ARHGAP29: variants seen among roughly 807,000 people sequenced by gnomAD.
ARHGAP29 encodes rho GTPase-activating protein 29.
ARHGAP29 carries 43 observed loss-of-function variants against 122.6 expected under a neutral mutation model. That is an observed-to-expected ratio of 0.35 (90% CI 0.27 to 0.45). The LOEUF (loss-of-function observed/expected upper bound fraction) is 0.45. Ranked by LOEUF, ARHGAP29 falls within the 20% of genes least tolerant of loss-of-function variation. The pLI is 1.00. For synonymous variants in ARHGAP29, 506 were observed against 497.1 expected (o/e 1.02, Z -0.24); for missense variants, 1,303 against 1,477.2 (o/e 0.88, Z 1.93).
In ARHGAP29 at chr1:94,173,977, GTCT is replaced by G. The variant is rs1648916613; in HGVS notation, c.3675_3677del (p.Glu1225del). ...CATCAGGCAAGCCAAGCTCCTCAGAGTCTTCTTTAGGTTGACCAGTTGCTTGCC... is the reference window on the plus strand; with the variant it reads ...CATCAGGCAAGCCAAGCTCCTCAGAGTCTTTAGGTTGACCAGTTGCTTGCC... On this transcript the variant is annotated inframe_deletion, in exon 23 of 23. Coordinates refer to ENST00000260526, the MANE Select transcript of ARHGAP29 (RefSeq NM_004815.4). The G allele has an allele frequency of 6.2e-7, 1 of 1,614,208 alleles. No homozygotes were observed. Among genetic ancestry groups the G allele is most frequent in the Middle Eastern group, 1.6e-4 (1 of 6,062 alleles).
At chr1:94,231,138 T>C (rs1055136165) in intron 2 of ARHGAP29, among the ~76,000 whole-genome samples, 3 of 152,060 alleles carry the variant, frequency 2.0e-5, no homozygotes, top group Admixed American at 1.3e-4. Flanking sequence ...CAAATTTTCC[T>C]ACGTCAAATG....
the ARHGAP29 span, among the ~76,000 whole-genome samples, chr1:94,283,957 A>T: frequency 6.6e-6 from 1 of 152,140 alleles, no homozygotes; most frequent in Non-Finnish European, 1.5e-5. Flanking sequence ...TCTTGTACTC[A>T]GTTGCTTACT....
At chr1:94,240,492 A>G (rs1384866521), upstream of ARHGAP29, among the ~76,000 whole-genome samples, 2 of 152,220 alleles carry the variant, frequency 1.3e-5, no homozygotes, top group Non-Finnish European at 2.9e-5. Context: ...TAATAGATGC[A>G]ATAATACCTT....
At chr1:94,246,537 A>C (rs905983595) in intron 1 of ARHGAP29, among the ~76,000 whole-genome samples, 2 of 152,122 alleles carry the variant, frequency 1.3e-5, no homozygotes, top group African/African-American at 2.4e-5. Context: ...CCGCCCAAAA[A>C]AGATCCATCT....
the ARHGAP29 span, among the ~76,000 whole-genome samples, chr1:94,281,486 T>A: frequency 2.0e-5 from 3 of 152,308 alleles, no homozygotes; most frequent in South Asian, 6.2e-4. Context: ...GTCAGTGAGA[T>A]GAGTTACAGG....
upstream of ARHGAP29, among the ~76,000 whole-genome samples, chr1:94,278,258 A>G (rs945368540): frequency 6.6e-6 from 1 of 152,184 alleles, no homozygotes; most frequent in Non-Finnish European, 1.5e-5. Context: ...GTTGGAGTTT[A>G]TAGTGGGCTA....
chr1:94,222,136 A>C (rs746301412), intron 2 of ARHGAP29, among the ~76,000 whole-genome samples: 2 of 152,234 alleles, frequency 1.3e-5, no homozygotes, highest in African/African-American at 2.4e-5. Flanking sequence ...GTATATAACA[A>C]ATGTCCATGA....
At chr1:94,203,806 TCAATAAA>T in intron 8 of ARHGAP29, 117 bp downstream of exon 8, 1 of 744,514 alleles carries the variant, frequency 1.3e-6, no homozygotes, top group Non-Finnish European at 2.2e-6. Context: ...AATAATTTTG[TCAATAAA>T]AAGATCAGCA....
chr1:94,209,818 CATAT>C (rs1651471729), intron 3 of ARHGAP29, among the ~76,000 whole-genome samples: 1 of 2,390 alleles, frequency 4.2e-4, no homozygotes, highest in African/African-American at 4.6e-4. Flanking sequence ...TATATATATA[CATAT>C]ACATATATTT....
the ARHGAP29 span, among the ~76,000 whole-genome samples, chr1:94,293,607 G>A: frequency 3.2e-4 from 48 of 152,238 alleles, no homozygotes; most frequent in African/African-American, 4.6e-4. Context: ...CTATTTGACC[G>A]TCTTGGAAGT....
chr1:94,278,743 A>G (rs1437862617), upstream of ARHGAP29, among the ~76,000 whole-genome samples: 1 of 152,222 alleles, frequency 6.6e-6, no homozygotes, highest in African/African-American at 2.4e-5. Flanking sequence ...CCCTCAGGAT[A>G]CATTCACATT....
At chr1:94,219,524 C>G (rs996514732) in intron 3 of ARHGAP29, among the ~76,000 whole-genome samples, 1 of 152,172 alleles carries the variant, frequency 6.6e-6, no homozygotes, top group Non-Finnish European at 1.5e-5. Context: ...AAATCACATT[C>G]TACCACTACC....
At chr1:94,220,516 T>C in intron 2 of ARHGAP29, 124 bp from the exon 3 acceptor site, 1 of 733,088 alleles carries the variant, frequency 1.4e-6, no homozygotes, top group Non-Finnish European at 2.1e-6. Flanking sequence ...CTACTATACA[T>C]TCATTTATAT....
intron 1 of ARHGAP29, among the ~76,000 whole-genome samples, chr1:94,251,625 A>G (rs1048571511): frequency 2.6e-5 from 4 of 152,110 alleles, no homozygotes; most frequent in Admixed American, 2.6e-4. Flanking sequence ...GCTCTTCCCC[A>G]GGTACCCCAA....
Position 94,177,624 on chromosome 1 carries a change from C to A in ARHGAP29, c.2893G>T (p.Ala965Ser), listed in dbSNP as rs780548274. ...RKQNALGKCD[A>S]CLSDKAQLLL... The stretch of plus-strand genomic sequence containing the variant: ...CATGGCTACTCACCACTGAGACATG[C>A]ATCACATTTTCCTAACGCATTTTGC... The change falls in exon 22 of 23, where the codon GCA becomes TCA. Residue 965 changes from alanine (A) to serine (S), a missense_variant. Transcript: ENST00000260526. 2 of 1,610,562 alleles carry A rather than the reference C, an allele frequency of 1.2e-6. No individual in the cohort carries two copies. The highest frequency in any genetic ancestry group is 1.7e-6 in the Non-Finnish European group (2 of 1,178,666).
At chr1:94,233,040 GCTCGGGCCATCT>G (rs1010649694) in intron 1 of ARHGAP29, among the ~76,000 whole-genome samples, 2 of 151,256 alleles carry the variant, frequency 1.3e-5, no homozygotes, top group Non-Finnish European at 2.9e-5. Flanking sequence ...AAACTCCTGG[GCTCGGGCCATCT>G]GCCCGCCAAA....
chr1:94,312,762 C>G, the ARHGAP29 span, among the ~76,000 whole-genome samples: 1 of 152,154 alleles, frequency 6.6e-6, no homozygotes, highest in African/African-American at 2.4e-5. Flanking sequence ...TCTTTAAAGT[C>G]TGCTTCATCA....
upstream of ARHGAP29, among the ~76,000 whole-genome samples, chr1:94,277,606 A>C (rs1655234513): frequency 1.3e-5 from 2 of 152,184 alleles, no homozygotes; most frequent in Admixed American, 6.6e-5. Flanking sequence ...AGAGAAAAAA[A>C]ATAGAGGATT....
intron 1 of ARHGAP29, among the ~76,000 whole-genome samples, chr1:94,258,803 A>G (rs1410877171): frequency 6.6e-6 from 1 of 152,252 alleles, no homozygotes; most frequent in Non-Finnish European, 1.5e-5. Flanking sequence ...TGAGACTTAA[A>G]GAGACTAATT....
Sources: allele counts gnomAD v4.1 joint callset (sites outside exome capture counted in the v4.1 genomes callset), GRCh38; gene constraint gnomAD v4.1.1; transcripts MANE v1.5; gene names NCBI Gene and HGNC (gene_info 2026-07-23, HGNC 2026-07-21).